ZDHHC14: variants seen among roughly 807,000 people sequenced by gnomAD.
ZDHHC14 encodes palmitoyltransferase ZDHHC14.
ZDHHC14 carries 16 observed loss-of-function variants against 47.7 expected under a neutral mutation model. The observed-to-expected ratio is 0.34, with a 90% CI of 0.23 to 0.51. The LOEUF (loss-of-function observed/expected upper bound fraction) is 0.51. ZDHHC14 is among the 20% of genes least tolerant of loss of function. ZDHHC14 has a pLI of 0.97. For missense variants in ZDHHC14, 515 were observed against 662.5 expected (o/e 0.78, Z 2.44); for synonymous variants, 293 against 278.9 (o/e 1.05, Z -0.50).
chr6:157,496,846 T>A lies in ZDHHC14; in HGVS notation c.246-45739T>A, dbSNP rs552337439. On this transcript the variant is annotated intron_variant, in intron 1 of 8. Coordinates refer to ENST00000359775, the MANE Select transcript of ZDHHC14 (RefSeq NM_024630.3). ...AATCCAATACACACGCCGACCTGCA[T>A]GAACTGCCCAAGGGCTTCCTTTGAC... 4.6e-5 allele frequency among the ~76,000 whole-genome samples: 7 copies of A among 152,370 alleles called. No individual in the cohort carries two copies. In the East Asian group the frequency reaches 7.7e-4, roughly 17 times the overall value.
chr6:157,418,670 T>C (rs1207772571), intron 1 of ZDHHC14, among the ~76,000 whole-genome samples: 5 of 152,208 alleles, frequency 3.3e-5, no homozygotes, highest in African/African-American at 1.2e-4. Context: ...TCCTACACAA[T>C]GAAATACAGA....
At chr6:157,418,415 G>A (rs1778028847) in intron 1 of ZDHHC14, among the ~76,000 whole-genome samples, 1 of 152,254 alleles carries the variant, frequency 6.6e-6, no homozygotes, top group African/African-American at 2.4e-5. Flanking sequence ...AGTTCGAGAA[G>A]TGGGCTATAA....
chr6:157,395,325 T>A (rs2114739645), intron 1 of ZDHHC14, among the ~76,000 whole-genome samples: 1 of 145,990 alleles, frequency 6.8e-6, no homozygotes, highest in Non-Finnish European at 1.5e-5. Flanking sequence ...CACACCTAGC[T>A]AATTTTTTTT....
chr6:157,652,914 GGA>G (rs1383244876), intron 7 of ZDHHC14, among the ~76,000 whole-genome samples: 2 of 152,178 alleles, frequency 1.3e-5, no homozygotes, highest in Non-Finnish European at 2.9e-5. Context: ...TCAGAGAAGG[GGA>G]GAGAGGAGGA....
intron 8 of ZDHHC14, among the ~76,000 whole-genome samples, chr6:157,664,181 A>C (rs186666777): frequency 5.5e-4 from 84 of 152,288 alleles, no homozygotes; most frequent in African/African-American, 1.9e-3. Flanking sequence ...TCAGCTCTTC[A>C]GACTGGATAA....
chr6:157,393,909 T>G (rs1371733405), intron 1 of ZDHHC14, among the ~76,000 whole-genome samples: 1 of 152,192 alleles, frequency 6.6e-6, no homozygotes, highest in African/African-American at 2.4e-5. Context: ...TGCTCTGGCC[T>G]TTGCAAATGT....
chr6:157,653,654 C>T (rs768702173), intron 8 of ZDHHC14, 27 bp downstream of exon 8: 17 of 1,596,414 alleles, frequency 1.1e-5, no homozygotes, highest in Admixed American at 1.7e-5. Flanking sequence ...CTGCTCCCTG[C>T]GAGGGCTTCC....
intron 1 of ZDHHC14, among the ~76,000 whole-genome samples, chr6:157,399,724 G>A: frequency 6.6e-6 from 1 of 152,238 alleles, no homozygotes; most frequent in Non-Finnish European, 1.5e-5. Flanking sequence ...CATTGCAGCT[G>A]TTGGGAGACC....
intron 1 of ZDHHC14, among the ~76,000 whole-genome samples, chr6:157,487,402 CT>C (rs1375634662): frequency 4.6e-5 from 7 of 152,190 alleles, no homozygotes; most frequent in Non-Finnish European, 5.9e-5. Context: ...TCTACTATTT[CT>C]TTGCAAACCT....
intron 2 of ZDHHC14, among the ~76,000 whole-genome samples, chr6:157,566,251 C>A (rs79579687): frequency 1.4e-5 from 2 of 144,472 alleles, no homozygotes; most frequent in Admixed American, 6.8e-5. Context: ...TCTAAAAAAA[C>A]CCGAATTCCT....
At chr6:157,635,527 T>C (rs1229682110) in intron 5 of ZDHHC14, among the ~76,000 whole-genome samples, 1 of 152,262 alleles carries the variant, frequency 6.6e-6, no homozygotes, top group Non-Finnish European at 1.5e-5. Context: ...GACAATGATA[T>C]GCTGACAAAG....
intron 5 of ZDHHC14, among the ~76,000 whole-genome samples, chr6:157,635,282 C>T (rs1021614617): frequency 4.6e-5 from 7 of 152,180 alleles, no homozygotes; most frequent in Non-Finnish European, 7.3e-5. Flanking sequence ...CGTGAGCTAC[C>T]GCGCCCAGCC....
Position 157,382,108 on chromosome 6 carries a change from C to T in ZDHHC14, c.87C>T (p.His29=), listed in dbSNP as rs200296666. 1.2e-6 allele frequency: 2 copies of T among 1,612,900 alleles called. No homozygotes were observed. The highest frequency in any genetic ancestry group is 1.7e-6 in the Non-Finnish European group (2 of 1,179,514). Residue 29 remains histidine (H), a synonymous_variant, in exon 1 of 9, where the codon CAC becomes CAT. Coordinates refer to ENST00000359775, the MANE Select transcript of ZDHHC14 (RefSeq NM_024630.3). ...GCTCCTCCCCCATGGAGTCGCCCCACAAGAAGAAGAAAATCGCGGCCCGGA... is the reference window on the plus strand; with the variant it reads ...GCTCCTCCCCCATGGAGTCGCCCCATAAGAAGAAGAAAATCGCGGCCCGGA... ...THSSSPMESP[H]KKKKIAARRK... is the part of the protein sequence containing the mutation.
At chr6:157,641,220 CTA>C (rs1777233125) in intron 5 of ZDHHC14, among the ~76,000 whole-genome samples, 1 of 152,118 alleles carries the variant, frequency 6.6e-6, no homozygotes, top group Admixed American at 6.6e-5. Context: ...CTGTGTATCT[CTA>C]TGTGCACATA....
At chr6:157,489,587 T>G (rs887003216) in intron 1 of ZDHHC14, among the ~76,000 whole-genome samples, 3 of 152,118 alleles carry the variant, frequency 2.0e-5, no homozygotes, top group Non-Finnish European at 4.4e-5. Context: ...TGGTGGTTAT[T>G]CATAGGGAGA....
chr6:157,663,772 G>T (rs944674328), intron 8 of ZDHHC14, among the ~76,000 whole-genome samples: 2 of 152,044 alleles, frequency 1.3e-5, no homozygotes, highest in Non-Finnish European at 2.9e-5. Flanking sequence ...CCTTCACACC[G>T]ACACGGGGCT....
chr6:157,533,123 T>C (rs967770849), intron 1 of ZDHHC14, among the ~76,000 whole-genome samples: 2 of 152,190 alleles, frequency 1.3e-5, no homozygotes, highest in East Asian at 1.9e-4. Flanking sequence ...CTGTACTTTG[T>C]ATCCTGTGTT....
rs1031648009 is a variant in ZDHHC14, at chr6:157,421,733, A to G, written c.245+39467A>G. Among the ~76,000 whole-genome samples, 50 of 151,534 alleles carry G rather than the reference A, an allele frequency of 3.3e-4. 1 individual carries two copies. Among genetic ancestry groups the G allele is most frequent in the Non-Finnish European group, 1.0e-4 (7 of 67,876 alleles). The stretch of plus-strand genomic sequence containing the variant: ...AGCAATTCTCCTGCCTCAGCCTCCT[A>G]AGTAGCTGGGATTATAGCCACCCAC... On this transcript the variant is annotated intron_variant, in intron 1 of 8. Transcript: ENST00000359775.
chr6:157,612,688 CT>C (rs1475164708), intron 3 of ZDHHC14, among the ~76,000 whole-genome samples: 2 of 152,160 alleles, frequency 1.3e-5, no homozygotes, highest in Non-Finnish European at 2.9e-5. Context: ...GTCAGTTTCC[CT>C]TACTGTATTC....
Sources: allele counts gnomAD v4.1 joint callset (sites outside exome capture counted in the v4.1 genomes callset), GRCh38; gene constraint gnomAD v4.1.1; transcripts MANE v1.5; gene names NCBI Gene and HGNC (gene_info 2026-07-23, HGNC 2026-07-21).